FAM98B: variants seen among roughly 807,000 people sequenced by gnomAD.
FAM98B encodes tRNA splicing ligase complex subunit 3B.
FAM98B carries 32 observed loss-of-function variants against 43.9 expected under a neutral mutation model. The ratio of observed to expected loss-of-function variants is 0.73; its 90% CI spans 0.55 to 0.98. The LOEUF is 0.98. Among genes scored for constraint, FAM98B ranks in the 50% least tolerant of loss-of-function variants. The pLI is 0.00. For synonymous variants in FAM98B, 190 were observed against 174.0 expected, an observed-to-expected ratio of 1.09 and a Z score of -0.72; for missense variants, 514 against 522.9, an observed-to-expected ratio of 0.98 and a Z score of 0.17.
At chr15:38,470,544 G>A in intron 4 of FAM98B, 139 bp downstream of exon 4, 1 of 713,020 alleles carries the variant, frequency 1.4e-6, no homozygotes, top group Non-Finnish European at 2.1e-6. Flanking sequence ...ACCCAGTTTT[G>A]GATTCAGACT....
chr15:38,471,574 C>G (rs545174208), intron 4 of FAM98B, among the ~76,000 whole-genome samples: 1 of 152,054 alleles, frequency 6.6e-6, no homozygotes, highest in Admixed American at 6.6e-5. Flanking sequence ...TGTAATGCCT[C>G]GGTTCAAATA....
intron 1 of FAM98B, among the ~76,000 whole-genome samples, chr15:38,462,780 G>T (rs556239720): frequency 1.4e-4 from 22 of 152,156 alleles, no homozygotes; most frequent in Non-Finnish European, 2.9e-4. Context: ...TCTGAAAAAG[G>T]CATAGAAACA....
chr15:38,474,245 A>T lies in FAM98B; in HGVS notation c.676A>T (p.Met226Leu), dbSNP rs1377046160. The change falls in exon 6 of 8, where the codon ATG becomes TTG. Residue 226 changes from methionine (M) to leucine (L), a missense_variant. Met to Leu is a conservative substitution (Grantham distance 15). Around this residue, in one of 2 missense-constraint regions of FAM98B, gnomAD observed 469 missense variants for 451.8 expected, o/e 1.04. Transcript: ENST00000397609. ...CEYECRRRML[M>L]KRLDVTVQSF... ...ATATGAGTGCCGCCGACGAATGTTA[A>T]TGAAACGATTAGATGTGACTGTACA... The T allele has an allele frequency of 6.2e-7, 1 of 1,613,870 alleles. No individual in the cohort carries two copies.
chr15:38,483,681 AAAAATATATAT>A (rs1359893764), intron 7 of FAM98B: 3 of 42,458 alleles, frequency 7.1e-5, no homozygotes, highest in African/African-American at 3.4e-4. Flanking sequence ...AAAAAAAAAA[AAAAATATATAT>A]ATATATATAT....
intron 1 of FAM98B, among the ~76,000 whole-genome samples, chr15:38,463,217 C>G (rs1217592169): frequency 6.6e-6 from 1 of 152,082 alleles, no homozygotes; most frequent in African/African-American, 2.4e-5. Flanking sequence ...ATAAATGAGG[C>G]CAGGCACGGT....
At chr15:38,467,182 A>T (rs907766382) in intron 3 of FAM98B, among the ~76,000 whole-genome samples, 1 of 152,180 alleles carries the variant, frequency 6.6e-6, no homozygotes, top group Non-Finnish European at 1.5e-5. Flanking sequence ...CAGAAAGGTT[A>T]TACTAGTTCA....
At position 38,473,729 on chromosome 15, in the gene FAM98B, T is replaced by C. The variant is rs375860714; in HGVS notation, c.612+144T>C. On this transcript the variant is annotated intron_variant, in intron 5 of 7. Coordinates refer to ENST00000397609, the MANE Select transcript of FAM98B (RefSeq NM_173611.4). ...AATTGATTGATATTCTGGAGTAATA[T>C]GTCCTAACATTTCTTTAGTTAAATT... The C allele has an allele frequency of 1.0e-4, 65 of 630,866 alleles. No individual in the cohort carries two copies. The East Asian group carries it at 1.3e-3, about 12-fold the overall frequency. The allele number at this position is 630,866 out of a possible 1,614,324, so 39.1% of individuals were successfully genotyped here. A position where few individuals can be genotyped will look rare whatever the true frequency, so the allele number is the denominator to read the frequency against.
chr15:38,484,074 T>G (rs1890326870), intron 7 of FAM98B, among the ~76,000 whole-genome samples, 181 bp from the exon 8 acceptor site: 1 of 151,970 alleles, frequency 6.6e-6, no homozygotes, highest in Admixed American at 6.5e-5. Context: ...TTTGTATCCT[T>G]TAACAGATTT....
At chr15:38,454,499 G>A (rs1469234797) in intron 1 of FAM98B, among the ~76,000 whole-genome samples, 1 of 152,220 alleles carries the variant, frequency 6.6e-6, no homozygotes, top group African/African-American at 2.4e-5. Context: ...TCCGCCGGGT[G>A]GCGCGGAGCG....
intron 1 of FAM98B, 107 bp from the exon 2 acceptor site, chr15:38,463,925 T>A (rs1889989171): frequency 5.5e-6 from 6 of 1,082,230 alleles, no homozygotes. Context: ...TGTGTTCCAA[T>A]AACATTTTAT....
chr15:38,462,555 C>G (rs1397160280), intron 1 of FAM98B, among the ~76,000 whole-genome samples: 1 of 152,068 alleles, frequency 6.6e-6, no homozygotes, highest in Non-Finnish European at 1.5e-5. Flanking sequence ...AAAAATTAAA[C>G]TGTAATTTTA....
At chr15:38,454,757 A>G (rs758467384) in intron 1 of FAM98B, among the ~76,000 whole-genome samples, 5 of 152,180 alleles carry the variant, frequency 3.3e-5, no homozygotes, top group Non-Finnish European at 5.9e-5. Context: ...CAACGTGTAT[A>G]TTAGCTTGTA....
At chr15:38,470,070 A>G (rs974168596) in intron 3 of FAM98B, among the ~76,000 whole-genome samples, 157 bp from the exon 4 acceptor site, 2 of 152,194 alleles carry the variant, frequency 1.3e-5, no homozygotes, top group East Asian at 1.9e-4. Context: ...CACTTCGTTT[A>G]TAAGTGTACA....
chr15:38,481,635 G>A lies in FAM98B; in HGVS notation c.897+176G>A, dbSNP rs370314405. Reference sequence around the variant, plus strand: ...TTTGTGTATGTGTGTATGTTCACTTGAATTTGTGTATTCATAAATCAAAGT... The same window carrying A: ...TTTGTGTATGTGTGTATGTTCACTTAAATTTGTGTATTCATAAATCAAAGT... On this transcript the variant is annotated intron_variant, in intron 7 of 7. Coordinates refer to ENST00000397609, the MANE Select transcript of FAM98B (RefSeq NM_173611.4). The A allele has an allele frequency of 2.0e-6, 3 of 1,519,006 alleles. No homozygotes were observed. The African/African-American group carries it at 4.1e-5, about 21-fold the overall frequency. 94.1% of individuals were successfully genotyped at this position (1,519,006 alleles called of 1,614,324 possible).
chr15:38,483,213 G>C (rs927267457), intron 7 of FAM98B: 1 of 152,128 alleles, frequency 6.6e-6, no homozygotes, highest in African/African-American at 2.4e-5. Context: ...TTAAGTTAAT[G>C]AATGTAAGGT....
At chr15:38,468,497 A>G (rs774448008) in intron 3 of FAM98B, among the ~76,000 whole-genome samples, 3 of 152,204 alleles carry the variant, frequency 2.0e-5, no homozygotes, top group East Asian at 1.9e-4. Context: ...TACTGGGATT[A>G]CAGGCCTGAG....
At chr15:38,466,871 AAC>A (rs981669753) in intron 3 of FAM98B, among the ~76,000 whole-genome samples, 11 of 152,142 alleles carry the variant, frequency 7.2e-5, no homozygotes, top group Admixed American at 6.5e-4. Context: ...ACATACACAC[AAC>A]ACTCTCACAC....
intron 6 of FAM98B, among the ~76,000 whole-genome samples, chr15:38,480,382 C>G (rs1010375078): frequency 6.6e-6 from 1 of 152,036 alleles, no homozygotes; most frequent in Non-Finnish European, 1.5e-5. Context: ...ATTTATGAGG[C>G]TCTGAGTCTC....
chr15:38,455,450 C>A (rs573367641), intron 1 of FAM98B, among the ~76,000 whole-genome samples: 73 of 152,280 alleles, frequency 4.8e-4, no homozygotes, highest in African/African-American at 1.7e-3. Context: ...TCAATTGTTT[C>A]TTTAGTTGAA....
Sources: allele counts gnomAD v4.1 joint callset (sites outside exome capture counted in the v4.1 genomes callset), GRCh38; gene constraint gnomAD v4.1.1; regional missense constraint gnomAD v4.1.1; transcripts MANE v1.5; gene names NCBI Gene and HGNC (gene_info 2026-07-23, HGNC 2026-07-21).